The following ADAMTS20 variants were observed in gnomAD, a reference collection of about 807,000 sequenced individuals.
ADAMTS20 encodes ADAM metallopeptidase with thrombospondin type 1 motif 20.
ADAMTS20 carries 225 observed loss-of-function variants against 260.1 expected under a neutral mutation model. The observed-to-expected ratio is 0.87, with a 90% CI of 0.78 to 0.97. ADAMTS20 has a LOEUF of 0.97. Ranked by LOEUF, ADAMTS20 falls within the 50% of genes least tolerant of loss-of-function variation. The probability of loss-of-function intolerance (pLI) is 0.00; values close to 1 mark genes in which losing one functional copy is unlikely to be tolerated. For synonymous variants in ADAMTS20, 802 were observed against 769.5 expected, an observed-to-expected ratio of 1.04 and a Z score of -0.70; for missense variants, 2,400 against 2,337.7, an observed-to-expected ratio of 1.03 and a Z score of -0.55.
At chr12:43,386,261 T>C (rs1422889602) in intron 29 of ADAMTS20, among the ~76,000 whole-genome samples, 1 of 152,214 alleles carries the variant, frequency 6.6e-6, no homozygotes, top group African/African-American at 2.4e-5. Context: ...TTTGGCTGGA[T>C]ATGAAATTCT....
At position 43,490,880 on chromosome 12, in the gene ADAMTS20, C is replaced by T. The variant is rs148821707; in HGVS notation, c.1077-445G>A. Among the ~76,000 whole-genome samples, 167 of 152,136 alleles carry T rather than the reference C, an allele frequency of 1.1e-3. 2 individuals carry two copies. Among genetic ancestry groups the T allele is most frequent in the African/African-American group, 3.7e-3 (152 of 41,518 alleles). ...CATGGCCATTCAATTTGACAGTTCT[C>T]GTGTCTCCTTTCTTATCACCTCTTT... On this transcript the variant is annotated intron_variant, in intron 6 of 38. Coordinates refer to ENST00000389420, the MANE Select transcript of ADAMTS20 (RefSeq NM_025003.5).
intron 3 of ADAMTS20, among the ~76,000 whole-genome samples, chr12:43,518,764 C>T (rs1019660648): frequency 6.6e-6 from 1 of 151,366 alleles, no homozygotes; most frequent in Non-Finnish European, 1.5e-5. Context: ...CTTGTATTTC[C>T]CACAGACTTC....
chr12:43,453,780 C>T (rs1941912710), intron 12 of ADAMTS20, 127 bp downstream of exon 12: 2 of 998,774 alleles, frequency 2.0e-6, no homozygotes, highest in South Asian at 1.7e-5. Flanking sequence ...ACTTAAAGTG[C>T]TCCAGAAATT....
At chr12:43,404,653 G>T (rs1940878044) in intron 28 of ADAMTS20, among the ~76,000 whole-genome samples, 1 of 151,980 alleles carries the variant, frequency 6.6e-6, no homozygotes, top group Non-Finnish European at 1.5e-5. Flanking sequence ...ATATATATTT[G>T]TTTTTATGTT....
chr12:43,446,625 T>C lies in ADAMTS20; in HGVS notation c.2167A>G (p.Ile723Val), dbSNP rs753111864. 4 of 1,613,120 alleles carry C rather than the reference T, an allele frequency of 2.5e-6. No individual in the cohort carries two copies. The highest frequency in any genetic ancestry group is 2.2e-5 in the East Asian group (1 of 44,860). ...CGGDNSSCKT[I>V]TGVFNSSHYG... ...TGAGAACTGTTGAAGACACCTGTTATTGTCTTGCATGAAGAGTTGTCCCCA... is the reference window on the plus strand; with the variant it reads ...TGAGAACTGTTGAAGACACCTGTTACTGTCTTGCATGAAGAGTTGTCCCCA... Residue 723 changes from isoleucine to valine, a missense_variant, in exon 15 of 39, where the codon ATA becomes GTA. By Grantham distance (29) the Ile-to-Val change is conservative. Transcript: ENST00000389420.
chr12:43,385,864 C>A (rs557843732), intron 29 of ADAMTS20, among the ~76,000 whole-genome samples: 63 of 152,284 alleles, frequency 4.1e-4, no homozygotes, highest in Non-Finnish European at 5.7e-4. Context: ...GATTTGACTT[C>A]TTCCTGGTTT....
At chr12:43,471,134 G>C (rs4403861) in intron 7 of ADAMTS20, among the ~76,000 whole-genome samples, 50,000 of 151,770 alleles carry the variant, frequency 0.33, 8,875 homozygotes, top group East Asian at 0.75. Context: ...TGCACGCACC[G>C]TGCGAGAGCC....
At chr12:43,359,707 T>C (rs1446436347) in intron 37 of ADAMTS20, among the ~76,000 whole-genome samples, 1 of 152,156 alleles carries the variant, frequency 6.6e-6, no homozygotes, top group East Asian at 1.9e-4. Flanking sequence ...TTGACAAAGG[T>C]AGAAAGGCAA....
intron 3 of ADAMTS20, among the ~76,000 whole-genome samples, chr12:43,502,727 C>T (rs900119510): frequency 6.6e-5 from 10 of 151,974 alleles, no homozygotes; most frequent in Non-Finnish European, 1.5e-4. Flanking sequence ...ATAAAAATAT[C>T]CAGGACTTCT....
Position 43,405,227 on chromosome 12 carries a change from T to TAAAAAAA in ADAMTS20, c.4285-5995_4285-5994insTTTTTTT, listed in dbSNP as rs1565683116. 3.7e-3 allele frequency among the ~76,000 whole-genome samples: 43 copies of TAAAAAAA among 11,546 alleles called. 1 individual carries two copies. Among genetic ancestry groups the TAAAAAAA allele is most frequent in the African/African-American group, 9.6e-3 (41 of 4,252 alleles). 7.6% of individuals were successfully genotyped at this position (11,546 alleles called of 152,430 possible). ...TGGTAACAAAATGAGACCTCATCTC[T>TAAAAAAA]ACAAAAAAAAAAAAAAAAAAAAAAA... is the stretch of plus-strand genomic sequence containing the variant. On this transcript the variant is annotated intron_variant, in intron 28 of 38. Coordinates refer to ENST00000389420, the MANE Select transcript of ADAMTS20 (RefSeq NM_025003.5).
At chr12:43,510,584 T>C (rs1410269368) in intron 3 of ADAMTS20, among the ~76,000 whole-genome samples, 4 of 152,032 alleles carry the variant, frequency 2.6e-5, no homozygotes, top group Non-Finnish European at 1.5e-5. Context: ...ATGTAATACA[T>C]CCCTTTCTAT....
chr12:43,527,098 A>G (rs1421569484), intron 3 of ADAMTS20, among the ~76,000 whole-genome samples: 1 of 152,236 alleles, frequency 6.6e-6, no homozygotes, highest in Non-Finnish European at 1.5e-5. Context: ...GAGAAAACAG[A>G]TAAATTCCTG....
intron 29 of ADAMTS20, among the ~76,000 whole-genome samples, chr12:43,388,415 A>G (rs1940529756): frequency 6.6e-6 from 1 of 152,110 alleles, no homozygotes; most frequent in Non-Finnish European, 1.5e-5. Context: ...TGCAGAAATC[A>G]CCTGCCTTCT....
chr12:43,541,503 T>A (rs535943971), intron 2 of ADAMTS20, among the ~76,000 whole-genome samples: 1 of 152,336 alleles, frequency 6.6e-6, no homozygotes, highest in East Asian at 1.9e-4. Context: ...ACAGCCACTC[T>A]TTTTACCACT....
At chr12:43,429,788 T>C (rs916026814) in intron 23 of ADAMTS20, 64 bp from the exon 24 acceptor site, 3 of 1,042,246 alleles carry the variant, frequency 2.9e-6, no homozygotes, top group South Asian at 1.6e-5. Flanking sequence ...CAAAATCTAA[T>C]ACTTCACTTC....
intron 5 of ADAMTS20, 98 bp downstream of exon 5, chr12:43,493,071 TA>T: frequency 1.2e-6 from 1 of 844,572 alleles, no homozygotes. Flanking sequence ...TTTAAAATTT[TA>T]AAAATATCTC....
At chr12:43,369,157 C>G (rs1940048495) in intron 37 of ADAMTS20, 133 bp downstream of exon 37, 1 of 492,928 alleles carries the variant, frequency 2.0e-6, no homozygotes, top group African/African-American at 2.0e-5. Flanking sequence ...ACCTTTGAAA[C>G]AAAGCGCATA....
intron 3 of ADAMTS20, among the ~76,000 whole-genome samples, chr12:43,504,948 T>C (rs1344630464): frequency 6.6e-6 from 1 of 152,194 alleles, no homozygotes; most frequent in Non-Finnish European, 1.5e-5. Flanking sequence ...CCCTATGACA[T>C]TGCAGTTCCA....
chr12:43,417,924 T>A (rs563164294), intron 28 of ADAMTS20, among the ~76,000 whole-genome samples: 1 of 152,220 alleles, frequency 6.6e-6, no homozygotes, highest in Non-Finnish European at 1.5e-5. Flanking sequence ...GGAAGATATA[T>A]GAACTCTATC....
Sources: allele counts gnomAD v4.1 joint callset (sites outside exome capture counted in the v4.1 genomes callset), GRCh38; gene constraint gnomAD v4.1.1; transcripts MANE v1.5; gene names NCBI Gene and HGNC (gene_info 2026-07-23, HGNC 2026-07-21).